PDS5A: variants seen among roughly 807,000 people sequenced by gnomAD.
PDS5A encodes the protein PDS5 cohesin associated factor A.
In PDS5A, 42 loss-of-function variants were observed where a neutral mutation model predicts 167.1. The observed-to-expected ratio is 0.25, with a 90% CI of 0.20 to 0.33. The LOEUF (loss-of-function observed/expected upper bound fraction) is 0.33, where lower values mean the gene tolerates loss of function less well. Ranked by LOEUF, PDS5A falls within the 10% of genes least tolerant of loss-of-function variation. PDS5A has a pLI of 1.00. For missense variants in PDS5A, 1,033 were observed against 1,605.9 expected (o/e 0.64, Z 6.10); for synonymous variants, 553 against 554.6 (o/e 1.00, Z 0.04).
chr4:39,829,264 G>C (rs1214168821), intron 32 of PDS5A, among the ~76,000 whole-genome samples: 1 of 152,224 alleles, frequency 6.6e-6, no homozygotes, highest in Non-Finnish European at 1.5e-5. Flanking sequence ...GCTATGTTTA[G>C]AATCTTGTAG....
At chr4:39,893,995 G>A (rs1461458481) in intron 16 of PDS5A, among the ~76,000 whole-genome samples, 2 of 152,180 alleles carry the variant, frequency 1.3e-5, no homozygotes, top group African/African-American at 4.8e-5. Context: ...CTATTTCATT[G>A]TCTGATCTAA....
At chr4:39,947,450 G>C (rs73229723) in intron 2 of PDS5A, among the ~76,000 whole-genome samples, 19 of 151,822 alleles carry the variant, frequency 1.3e-4, no homozygotes, top group Admixed American at 7.9e-4. Context: ...TGTCTGAAAG[G>C]GGGGAAAAAA....
intron 32 of PDS5A, among the ~76,000 whole-genome samples, chr4:39,829,192 GTC>G (rs1715588674): frequency 6.6e-6 from 1 of 152,210 alleles, no homozygotes; most frequent in Admixed American, 6.5e-5. Flanking sequence ...TCCTCACCAG[GTC>G]TCAGGAAAAT....
chr4:39,880,367 T>C (rs773887383), intron 17 of PDS5A, among the ~76,000 whole-genome samples: 9 of 152,108 alleles, frequency 5.9e-5, no homozygotes, highest in Non-Finnish European at 1.3e-4. Context: ...TTGTCAAAAA[T>C]TAAGGAATTA....
At chr4:39,847,884 G>C (rs1038835766) in intron 28 of PDS5A, 1 of 152,202 alleles carries the variant, frequency 6.6e-6, no homozygotes, top group Non-Finnish European at 1.5e-5. Flanking sequence ...GGCCTGTTAG[G>C]AACTGGGATA....
In PDS5A at chr4:39,879,746, T is replaced by C. The variant is rs1165795509; in HGVS notation, c.1974A>G (p.Ser658=). 1 of 1,605,526 alleles carries C rather than the reference T, an allele frequency of 6.2e-7. No individual in the cohort carries two copies. Among genetic ancestry groups the C allele is most frequent in the South Asian group, 1.1e-5 (1 of 90,894 alleles). ...AAAATACCTTAAGAAGTTCAAGTCC[T>C]GAACGGATAGCTGTATCTGGACTTA... is the stretch of plus-strand genomic sequence containing the variant. The part of the protein sequence containing the change: ...EGVSPDTAIR[S]GLELLKVLSF... The change falls in exon 18 of 33, where the codon TCA becomes TCG. Residue 658 remains serine, a synonymous_variant. Coordinates refer to ENST00000303538, the MANE Select transcript of PDS5A (RefSeq NM_001100399.2).
chr4:39,927,260 G>A (rs913309843), intron 3 of PDS5A, among the ~76,000 whole-genome samples: 1 of 152,038 alleles, frequency 6.6e-6, no homozygotes, highest in African/African-American at 2.4e-5. Context: ...GTAATTTTTA[G>A]CCAATGTTTT....
intron 2 of PDS5A, among the ~76,000 whole-genome samples, chr4:39,960,147 G>A (rs544411675): frequency 6.6e-6 from 1 of 152,088 alleles, no homozygotes; most frequent in Non-Finnish European, 1.5e-5. Context: ...GCACGCACCT[G>A]TAATCCCAAC....
At chr4:39,954,520 C>T (rs1278276152) in intron 2 of PDS5A, among the ~76,000 whole-genome samples, 2 of 151,868 alleles carry the variant, frequency 1.3e-5, no homozygotes, top group Non-Finnish European at 1.5e-5. Context: ...GGGGTTTCAC[C>T]ATGATGGCCA....
chr4:39,845,705 T>C, intron 29 of PDS5A, 113 bp downstream of exon 29: 1 of 1,121,620 alleles, frequency 8.9e-7, no homozygotes, highest in Non-Finnish European at 1.1e-6. Context: ...CATAATGTGA[T>C]CCCTAAGAAT....
At chr4:39,882,261 A>G (rs1235486383) in intron 17 of PDS5A, among the ~76,000 whole-genome samples, 3 of 152,230 alleles carry the variant, frequency 2.0e-5, no homozygotes, top group Admixed American at 2.0e-4. Context: ...CTGTTCAAAT[A>G]TGCCCATTTT....
At chr4:39,856,287 A>T (rs1718519348) in intron 26 of PDS5A, among the ~76,000 whole-genome samples, 1 of 152,212 alleles carries the variant, frequency 6.6e-6, no homozygotes, top group South Asian at 2.1e-4. Flanking sequence ...AAGAATAAAG[A>T]CAAAATCAAA....
intron 31 of PDS5A, among the ~76,000 whole-genome samples, chr4:39,841,244 A>G (rs1297834378): frequency 1.3e-5 from 2 of 151,844 alleles, no homozygotes; most frequent in African/African-American, 2.4e-5. Flanking sequence ...GGTTCAAGCA[A>G]TTCTCCTGCC....
chr4:39,884,854 C>T (rs1405704430), intron 17 of PDS5A, among the ~76,000 whole-genome samples: 1 of 152,180 alleles, frequency 6.6e-6, no homozygotes, highest in Non-Finnish European at 1.5e-5. Context: ...TTTTCATCTA[C>T]TTCCTATAGA....
intron 21 of PDS5A, among the ~76,000 whole-genome samples, chr4:39,871,581 G>A (rs1395839812): frequency 2.6e-5 from 4 of 152,200 alleles, no homozygotes; most frequent in Non-Finnish European, 4.4e-5. Context: ...CTTTGGATAA[G>A]CTGGATTTGT....
At chr4:39,957,612 C>G (rs1312264374) in intron 2 of PDS5A, among the ~76,000 whole-genome samples, 1 of 151,762 alleles carries the variant, frequency 6.6e-6, no homozygotes, top group African/African-American at 2.4e-5. Flanking sequence ...GGTGAAACCC[C>G]ATCTCTACTA....
intron 2 of PDS5A, among the ~76,000 whole-genome samples, chr4:39,951,082 A>G (rs1484585924): frequency 6.6e-6 from 1 of 151,942 alleles, no homozygotes; most frequent in African/African-American, 2.4e-5. Context: ...TTGTACAGCC[A>G]GGGCTTCACT....
chr4:39,842,642 AG>A (rs1331313925), intron 30 of PDS5A, among the ~76,000 whole-genome samples: 2 of 152,018 alleles, frequency 1.3e-5, no homozygotes, highest in Admixed American at 1.3e-4. Context: ...TCCTAAGAGT[AG>A]GGTCAGAAAT....
At chr4:39,844,063 TC>T (rs1288424660) in intron 30 of PDS5A, among the ~76,000 whole-genome samples, 16 of 151,860 alleles carry the variant, frequency 1.1e-4, no homozygotes, top group Non-Finnish European at 5.9e-5. Context: ...AGCGAGAAGA[TC>T]CCTAGAGCCC....
Sources: allele counts gnomAD v4.1 joint callset (sites outside exome capture counted in the v4.1 genomes callset), GRCh38; gene constraint gnomAD v4.1.1; transcripts MANE v1.5; gene names NCBI Gene and HGNC (gene_info 2026-07-23, HGNC 2026-07-21).